KCNQ5: variants seen among roughly 807,000 people sequenced by gnomAD.
KCNQ5 encodes potassium voltage-gated channel subfamily KQT member 5.
KCNQ5 carries 30 observed loss-of-function variants against 98.2 expected under a neutral mutation model. The observed-to-expected ratio is 0.31, with a 90% CI of 0.23 to 0.41. KCNQ5 has a LOEUF of 0.41. Among genes scored for constraint, KCNQ5 ranks in the 10% least tolerant of loss-of-function variants. KCNQ5 has a pLI of 1.00. For synonymous variants in KCNQ5, 458 were observed against 449.4 expected (o/e 1.02, Z -0.24); for missense variants, 835 against 1,182.5 (o/e 0.71, Z 4.31).
intron 1 of KCNQ5, among the ~76,000 whole-genome samples, chr6:72,674,025 C>T (rs1241899029): frequency 2.6e-5 from 4 of 152,050 alleles, no homozygotes; most frequent in South Asian, 4.1e-4. Flanking sequence ...AAAAGCATTG[C>T]TTCATTATTT....
intron 1 of KCNQ5, among the ~76,000 whole-genome samples, chr6:72,736,498 A>ATTTTTTTT (rs556225458): frequency 3.5e-5 from 4 of 112,688 alleles, no homozygotes; most frequent in African/African-American, 2.2e-4. Context: ...GTAAAAAAAG[A>ATTTTTTTT]TTTCTTTTTT....
At chr6:72,922,766 T>C (rs997839349) in intron 1 of KCNQ5, among the ~76,000 whole-genome samples, 14 of 151,810 alleles carry the variant, frequency 9.2e-5, no homozygotes, top group African/African-American at 3.4e-4. Flanking sequence ...TAATAATATT[T>C]CATTGGGTAT....
chr6:73,058,050 T>C (rs1484070921), intron 3 of KCNQ5, among the ~76,000 whole-genome samples: 2 of 152,140 alleles, frequency 1.3e-5, no homozygotes, highest in Non-Finnish European at 2.9e-5. Context: ...ATGCAGAAGA[T>C]TGAAATTGGA....
chr6:72,673,821 G>T (rs142615549), intron 1 of KCNQ5, among the ~76,000 whole-genome samples: 117 of 152,288 alleles, frequency 7.7e-4, no homozygotes, highest in African/African-American at 2.7e-3. Context: ...CATTACTTGA[G>T]AGGGTCACCA....
chr6:72,700,869 G>T (rs1404492440), intron 1 of KCNQ5, among the ~76,000 whole-genome samples: 2 of 152,114 alleles, frequency 1.3e-5, no homozygotes, highest in Admixed American at 1.3e-4. Flanking sequence ...AAGCCTCTGT[G>T]GAGGTTTTCT....
chr6:73,173,789 GGAA>G (rs1778104696), intron 11 of KCNQ5, among the ~76,000 whole-genome samples: 1 of 137,062 alleles, frequency 7.3e-6, no homozygotes, highest in Non-Finnish European at 1.5e-5. Flanking sequence ...GTCTCTAAAG[GGAA>G]AAAAAAAAAA....
At chr6:72,977,463 G>A (rs1768210582) in intron 1 of KCNQ5, among the ~76,000 whole-genome samples, 1 of 152,204 alleles carries the variant, frequency 6.6e-6, no homozygotes, top group Non-Finnish European at 1.5e-5. Flanking sequence ...TTAAAAGCCA[G>A]ATGAATGAGT....
chr6:73,010,613 T>A (rs1324620952), intron 2 of KCNQ5, among the ~76,000 whole-genome samples: 1 of 150,476 alleles, frequency 6.6e-6, no homozygotes, highest in African/African-American at 2.4e-5. Context: ...GATGATGTGA[T>A]CTTATATGTA....
chr6:72,986,862 CT>C, intron 1 of KCNQ5: 1 of 953,602 alleles, frequency 1.0e-6, no homozygotes, highest in Non-Finnish European at 1.7e-6. Context: ...GTCCAGAACC[CT>C]TGGTTCTGCG....
At chr6:72,628,777 T>C (rs936119076) in intron 1 of KCNQ5, among the ~76,000 whole-genome samples, 6 of 151,936 alleles carry the variant, frequency 3.9e-5, no homozygotes, top group Non-Finnish European at 2.9e-5. Context: ...ACCTGGCTAA[T>C]TGTTTTTGTA....
chr6:73,166,142 A>T (rs1378292475), intron 10 of KCNQ5, among the ~76,000 whole-genome samples: 1 of 151,590 alleles, frequency 6.6e-6, no homozygotes, highest in African/African-American at 2.4e-5. Context: ...TAATGGTAAA[A>T]CACACTCAGG....
intron 1 of KCNQ5, among the ~76,000 whole-genome samples, chr6:72,950,414 T>C (rs998328395): frequency 1.3e-5 from 2 of 152,224 alleles, no homozygotes; most frequent in Admixed American, 6.5e-5. Flanking sequence ...GCTTCACAAA[T>C]AGAAAATGAA....
intron 1 of KCNQ5, among the ~76,000 whole-genome samples, chr6:72,788,369 G>A (rs1167438799): frequency 6.6e-6 from 1 of 152,192 alleles, no homozygotes; most frequent in East Asian, 1.9e-4. Context: ...GATGGGAAGA[G>A]TTACACATAC....
At chr6:72,625,763 C>A (rs974456496) in intron 1 of KCNQ5, among the ~76,000 whole-genome samples, 3 of 152,194 alleles carry the variant, frequency 2.0e-5, no homozygotes, top group African/African-American at 7.2e-5. Flanking sequence ...ATACTTACTC[C>A]TTCTGGTCAG....
chr6:72,922,352 A>G (rs1333799337), intron 1 of KCNQ5, among the ~76,000 whole-genome samples: 5 of 152,222 alleles, frequency 3.3e-5, no homozygotes, highest in Non-Finnish European at 7.3e-5. Flanking sequence ...TAATATATGT[A>G]TACACTTTGA....
intron 1 of KCNQ5, among the ~76,000 whole-genome samples, chr6:72,794,797 A>G (rs1725330993): frequency 6.6e-6 from 1 of 152,192 alleles, no homozygotes; most frequent in African/African-American, 2.4e-5. Flanking sequence ...ACCTGTGCTG[A>G]AAAGATGGCG....
chr6:72,981,978 T>C (rs1226363478), intron 1 of KCNQ5, among the ~76,000 whole-genome samples: 2 of 152,252 alleles, frequency 1.3e-5, no homozygotes, highest in Non-Finnish European at 2.9e-5. Flanking sequence ...AGTGAGTTTC[T>C]TATTCCTGAG....
At chr6:72,777,736 CAAGGCTTTTGTCTTT>C (rs552124663) in intron 1 of KCNQ5, among the ~76,000 whole-genome samples, 130 of 152,256 alleles carry the variant, frequency 8.5e-4, no homozygotes, top group African/African-American at 3.0e-3. Context: ...AATTTGCTTC[CAAGGCTTTTGTCTTT>C]ACTCCTAGGC....
chr6:73,005,641 A>C (rs192513073), intron 2 of KCNQ5, among the ~76,000 whole-genome samples: 50 of 152,354 alleles, frequency 3.3e-4, no homozygotes, highest in African/African-American at 1.2e-3. Context: ...CCTGTTAAAT[A>C]GTGAACAATG....
Sources: gnomAD v4.1 joint callset for allele counts (sites outside exome capture counted in the v4.1 genomes callset) on GRCh38, gnomAD v4.1.1 for gene constraint, MANE v1.5 for transcripts, NCBI Gene and HGNC (gene_info 2026-07-23, HGNC 2026-07-21) for gene names.